The following ENOPH1 variants were observed in gnomAD, a reference collection of about 807,000 sequenced individuals.
The protein encoded by ENOPH1 is enolase-phosphatase 1, also known as enolase-phosphatase E1.
ENOPH1 carries 14 observed loss-of-function variants against 31.1 expected under a neutral mutation model. The ratio of observed to expected loss-of-function variants is 0.45; its 90% CI spans 0.30 to 0.70. The LOEUF is 0.70. ENOPH1 is among the 30% of genes least tolerant of loss of function. The probability of loss-of-function intolerance (pLI) is 0.09; values close to 1 mark genes in which losing one functional copy is unlikely to be tolerated. For missense variants in ENOPH1, 243 were observed against 321.5 expected, an observed-to-expected ratio of 0.76 and a Z score of 1.87; for synonymous variants, 127 against 123.2, an observed-to-expected ratio of 1.03 and a Z score of -0.21.
intron 1 of ENOPH1, among the ~76,000 whole-genome samples, chr4:82,446,662 CTTT>C (rs34342267): frequency 1.3e-5 from 1 of 74,764 alleles, no homozygotes; most frequent in African/African-American, 4.1e-5. Flanking sequence ...TTGCACATCA[CTTT>C]TTTTTTTTTT....
intron 1 of ENOPH1, among the ~76,000 whole-genome samples, chr4:82,440,618 T>A (rs1024491956): frequency 6.6e-6 from 1 of 152,232 alleles, no homozygotes; most frequent in Non-Finnish European, 1.5e-5. Flanking sequence ...GTTCCCTTTC[T>A]GGAACTCATT....
intron 5 of ENOPH1, among the ~76,000 whole-genome samples, chr4:82,457,903 A>T (rs1722532215): frequency 6.6e-6 from 1 of 152,232 alleles, no homozygotes; most frequent in African/African-American, 2.4e-5. Flanking sequence ...ATAATTTCAG[A>T]TCTTTCTCTT....
intron 1 of ENOPH1, among the ~76,000 whole-genome samples, chr4:82,438,750 A>G (rs1197722982): frequency 6.6e-6 from 1 of 152,186 alleles, no homozygotes; most frequent in Non-Finnish European, 1.5e-5. Context: ...TATCTTGCTC[A>G]TACAGACTTT....
chr4:82,447,875 CTGA>C (rs1722236145), intron 1 of ENOPH1, 42 bp from the exon 2 acceptor site: 1 of 1,206,018 alleles, frequency 8.3e-7, no homozygotes, highest in Non-Finnish European at 1.2e-6. Flanking sequence ...TCTTTTACAA[CTGA>C]TAAAAGCTAA....
chr4:82,439,058 A>C (rs951602624), intron 1 of ENOPH1, among the ~76,000 whole-genome samples: 1 of 152,112 alleles, frequency 6.6e-6, no homozygotes, highest in Non-Finnish European at 1.5e-5. Flanking sequence ...AGTCGTGTGG[A>C]AAGTTGGTAG....
chr4:82,445,397 A>G (rs1281927786), intron 1 of ENOPH1, among the ~76,000 whole-genome samples: 1 of 152,230 alleles, frequency 6.6e-6, no homozygotes, highest in East Asian at 1.9e-4. Flanking sequence ...ACTTTTATGC[A>G]GTAACACTTT....
At chr4:82,444,700 C>A (rs1296063754) in intron 1 of ENOPH1, among the ~76,000 whole-genome samples, 1 of 152,138 alleles carries the variant, frequency 6.6e-6, no homozygotes, top group Non-Finnish European at 1.5e-5. Context: ...GCACAGTATC[C>A]TCTGTAACAT....
At chr4:82,431,789 A>G (rs1423662404) in intron 1 of ENOPH1, among the ~76,000 whole-genome samples, 2 of 152,242 alleles carry the variant, frequency 1.3e-5, no homozygotes, top group Non-Finnish European at 1.5e-5. Flanking sequence ...TGCATGCACA[A>G]TAATAGTCGA....
intron 5 of ENOPH1, among the ~76,000 whole-genome samples, chr4:82,459,042 C>G (rs560341524): frequency 7.9e-5 from 12 of 152,288 alleles, no homozygotes; most frequent in South Asian, 4.1e-4. Context: ...GGCTGAGAAA[C>G]TAATGGTGAT....
At chr4:82,449,309 C>T (rs759468207) in intron 2 of ENOPH1, among the ~76,000 whole-genome samples, 1 of 152,184 alleles carries the variant, frequency 6.6e-6, no homozygotes, top group Non-Finnish European at 1.5e-5. Context: ...TTATTAACGT[C>T]TCTATATTAG....
chr4:82,457,289 T>C (rs569319008), intron 5 of ENOPH1, among the ~76,000 whole-genome samples: 1 of 151,584 alleles, frequency 6.6e-6, no homozygotes, highest in South Asian at 2.1e-4. Context: ...GGCAGGAGGA[T>C]TGCTTGAACC....
At chr4:82,438,766 T>C (rs1174184904) in intron 1 of ENOPH1, among the ~76,000 whole-genome samples, 4 of 152,234 alleles carry the variant, frequency 2.6e-5, no homozygotes, top group Non-Finnish European at 5.9e-5. Flanking sequence ...ACTTTTAAAA[T>C]GATACCCTGT....
intron 5 of ENOPH1, among the ~76,000 whole-genome samples, chr4:82,457,489 G>C (rs973170020): frequency 1.3e-5 from 2 of 152,188 alleles, no homozygotes; most frequent in African/African-American, 4.8e-5. Flanking sequence ...ACTCCAGCCT[G>C]GGTGACAGAG....
At chr4:82,454,888 C>A in intron 4 of ENOPH1, 34 bp downstream of exon 4, 2 of 1,578,276 alleles carry the variant, frequency 1.3e-6, no homozygotes, top group Admixed American at 1.9e-5. Context: ...TGTTTTGACG[C>A]TATCAAAGCA....
chr4:82,457,085 G>A (rs747256049), intron 5 of ENOPH1, 47 bp downstream of exon 5: 3 of 1,558,740 alleles, frequency 1.9e-6, no homozygotes, highest in South Asian at 1.2e-5. Flanking sequence ...TATGAACTGA[G>A]CCTGGCACTA....
In ENOPH1 at chr4:82,457,030, T is replaced by C. The variant is rs1390914751; in HGVS notation, c.638T>C (p.Val213Ala). 6.2e-7 allele frequency: 1 copy of C among 1,613,898 alleles called. No individual in the cohort carries two copies. Among genetic ancestry groups the C allele is most frequent in the Non-Finnish European group, 8.5e-7 (1 of 1,179,898 alleles). ...AACAACATTTTGTTTCTGACAGATGTTACTCGAGGTGAGTAATAGACTTCT... is the reference window on the plus strand; with the variant it reads ...AACAACATTTTGTTTCTGACAGATGCTACTCGAGGTGAGTAATAGACTTCT... Reference protein sequence around the residue: ...STNNILFLTDVTREASAAEEA... With the variant: ...STNNILFLTDATREASAAEEA... Residue 213 changes from valine to alanine, a missense_variant, in exon 5 of 6, where the codon GTT becomes GCT. Coordinates refer to ENST00000273920, the MANE Select transcript of ENOPH1 (RefSeq NM_021204.5).
intron 2 of ENOPH1, 65 bp downstream of exon 2, chr4:82,448,086 C>T: frequency 8.6e-7 from 1 of 1,159,854 alleles, no homozygotes; most frequent in Non-Finnish European, 1.3e-6. Context: ...AGATTTAGGA[C>T]ATGCTCTGAG....
At chr4:82,431,061 C>G (rs1721738590) in intron 1 of ENOPH1, 148 bp downstream of exon 1, 2 of 706,690 alleles carry the variant, frequency 2.8e-6, no homozygotes, top group Non-Finnish European at 4.8e-6. Flanking sequence ...GGAGAGAAAG[C>G]CTGCGGTGGG....
In ENOPH1 at chr4:82,456,977, G is replaced by T. The variant is rs764586399; in HGVS notation, c.585G>T (p.Lys195Asn). The T allele has an allele frequency of 6.2e-7, 1 of 1,613,950 alleles. No individual in the cohort carries two copies. Among genetic ancestry groups the T allele is most frequent in the Non-Finnish European group, 8.5e-7 (1 of 1,180,004 alleles). ...AAGTAGAGAGTGAAAGTTACCGAAA[G>T]ATTGCAGACAGCATTGGGTGCTCAA... is the stretch of plus-strand genomic sequence containing the variant. ...GHKVESESYR[K>N]IADSIGCSTN... The change falls in exon 5 of 6, where the codon AAG becomes AAT. Residue 195 changes from lysine (K) to asparagine (N), a missense_variant. Lys to Asn is a moderately conservative substitution (Grantham distance 94, BLOSUM62 0). Transcript: ENST00000273920.
Sources: allele counts gnomAD v4.1 joint callset (sites outside exome capture counted in the v4.1 genomes callset), GRCh38; gene constraint gnomAD v4.1.1; transcripts MANE v1.5; gene names NCBI Gene and HGNC (gene_info 2026-07-23, HGNC 2026-07-21).